The following PTPN3 variants were observed in gnomAD, a reference collection of about 807,000 sequenced individuals.
The protein encoded by PTPN3 is protein tyrosine phosphatase non-receptor type 3.
A neutral mutation model predicts 132.7 loss-of-function variants in PTPN3; 96 were observed. The observed-to-expected ratio is 0.72, with a 90% CI of 0.61 to 0.86. PTPN3 has a LOEUF of 0.86. Among genes scored for constraint, PTPN3 ranks in the 40% least tolerant of loss-of-function variants. The probability of loss-of-function intolerance (pLI) is 0.00; values close to 1 mark genes in which losing one functional copy is unlikely to be tolerated. For synonymous variants in PTPN3, 398 were observed against 429.0 expected (o/e 0.93, Z 0.89); for missense variants, 1,125 against 1,159.6 (o/e 0.97, Z 0.43).
intron 12 of PTPN3, among the ~76,000 whole-genome samples, chr9:109,423,994 G>T (rs1169363935): frequency 6.6e-6 from 1 of 152,140 alleles, no homozygotes; most frequent in Non-Finnish European, 1.5e-5. Flanking sequence ...TGATCAAAAT[G>T]CTCACAACAG....
At chr9:109,505,753 C>CTT in the PTPN3 span, among the ~76,000 whole-genome samples, 2 of 143,560 alleles carry the variant, frequency 1.4e-5, no homozygotes, top group African/African-American at 2.5e-5. Context: ...ACATCAACTT[C>CTT]TTTTTTTTTT....
In PTPN3 at chr9:109,376,418, C is replaced by G. The variant is rs1838565203; in HGVS notation, c.*3138G>C. ...CAGCAGCAATAGTATCCACACTAAT[C>G]TAAAAGCATATTTAAATATGAATTA... On this transcript the variant is annotated 3_prime_UTR_variant, in exon 26 of 26. Coordinates refer to ENST00000374541, the MANE Select transcript of PTPN3 (RefSeq NM_002829.4). 2 of 152,154 alleles carry G rather than the reference C, an allele frequency of 1.3e-5. No homozygotes were observed. The highest frequency in any genetic ancestry group is 1.3e-4 in the Admixed American group (2 of 15,266). 9.4% of individuals were successfully genotyped at this position (152,154 alleles called of 1,614,324 possible).
intron 7 of PTPN3, among the ~76,000 whole-genome samples, chr9:109,439,233 G>A (rs905094397): frequency 2.0e-5 from 3 of 152,068 alleles, no homozygotes; most frequent in East Asian, 3.9e-4. Flanking sequence ...GGGACCTGAG[G>A]ACATCCATTT....
chr9:109,433,917 A>T (rs80250855), intron 9 of PTPN3, among the ~76,000 whole-genome samples: 3,264 of 39,862 alleles, frequency 0.082, 164 homozygotes, highest in African/African-American at 0.15. Flanking sequence ...GACTCTGTTT[A>T]AAAAAAAAAA....
intron 14 of PTPN3, among the ~76,000 whole-genome samples, chr9:109,415,294 T>C (rs574098099): frequency 4.8e-4 from 73 of 152,266 alleles, no homozygotes; most frequent in South Asian, 2.5e-3. Context: ...GATGCTCAGA[T>C]GTCTAGGGTA....
At chr9:109,452,571 T>C (rs550008555) in intron 5 of PTPN3, among the ~76,000 whole-genome samples, 7 of 149,334 alleles carry the variant, frequency 4.7e-5, no homozygotes, top group Middle Eastern at 7.0e-3. Flanking sequence ...AACAGAGCCT[T>C]TTTTTTTTTT....
intron 19 of PTPN3, among the ~76,000 whole-genome samples, chr9:109,401,250 G>A (rs547647279): frequency 7.9e-5 from 12 of 152,178 alleles, no homozygotes; most frequent in East Asian, 1.9e-4. Flanking sequence ...CAGTGGTTCC[G>A]GTTGGGTCTT....
chr9:109,499,854 C>G (rs1847834718), upstream of PTPN3, among the ~76,000 whole-genome samples: 1 of 152,138 alleles, frequency 6.6e-6, no homozygotes, highest in Non-Finnish European at 1.5e-5. Flanking sequence ...CCGCGCCCCG[C>G]CCGGCCCGGC....
chr9:109,521,126 G>T, the PTPN3 span, among the ~76,000 whole-genome samples: 1 of 152,084 alleles, frequency 6.6e-6, no homozygotes, highest in African/African-American at 2.4e-5. Context: ...AGAAAGGTTG[G>T]GGTAAAGAGT....
At chr9:109,390,769 T>C (rs1022790442) in intron 21 of PTPN3, among the ~76,000 whole-genome samples, 5 of 152,306 alleles carry the variant, frequency 3.3e-5, no homozygotes, top group African/African-American at 1.2e-4. Context: ...TTCTCATTTT[T>C]TTTTTAAGGC....
At chr9:109,487,880 C>T (rs1389277519) in intron 1 of PTPN3, among the ~76,000 whole-genome samples, 1 of 152,124 alleles carries the variant, frequency 6.6e-6, no homozygotes. Context: ...ACATGGGTAC[C>T]AGTTCCTACT....
intron 12 of PTPN3, among the ~76,000 whole-genome samples, chr9:109,426,080 C>T (rs1843260129): frequency 6.7e-6 from 1 of 149,718 alleles, no homozygotes; most frequent in South Asian, 2.1e-4. Flanking sequence ...ACAATTTATG[C>T]TACCTCTTAT....
chr9:109,439,575 G>A (rs1050935509), intron 7 of PTPN3, among the ~76,000 whole-genome samples: 2 of 152,242 alleles, frequency 1.3e-5, no homozygotes, highest in Non-Finnish European at 2.9e-5. Flanking sequence ...GGAAGTGGGT[G>A]AGACAGGTAG....
intron 25 of PTPN3, 21 bp from the exon 26 acceptor site, chr9:109,379,654 G>A (rs761415035): frequency 6.3e-7 from 1 of 1,594,328 alleles, no homozygotes; most frequent in Admixed American, 1.7e-5. Context: ...AAAAAATGCT[G>A]TCAAGTCCTG....
Position 109,409,807 on chromosome 9 carries a change from T to TA in PTPN3, c.1578+191dup, listed in dbSNP as rs202029012. ...AGGTTTGGGCGATAAAGTGAGTTTT[T>TA]AAAAAAAAACAAAAAAAACCCCAAA... On this transcript the variant is annotated intron_variant, in intron 16 of 25. Transcript: ENST00000374541. Among the ~76,000 whole-genome samples the TA allele has an allele frequency of 6.8e-3, 1,018 of 149,824 alleles. 8 individuals are homozygous for TA. Among genetic ancestry groups the TA allele is most frequent in the Middle Eastern group, 0.024 (7 of 286 alleles).
At chr9:109,459,242 C>T (rs1049121717) in intron 2 of PTPN3, among the ~76,000 whole-genome samples, 2 of 152,276 alleles carry the variant, frequency 1.3e-5, no homozygotes, top group African/African-American at 4.8e-5. Context: ...CACCAGGTCA[C>T]CACCAGGGCT....
chr9:109,506,480 CTTCT>C, the PTPN3 span, among the ~76,000 whole-genome samples: 19,263 of 151,036 alleles, frequency 0.13, 1,466 homozygotes, highest in Middle Eastern at 0.25. Context: ...CCCTTCCTTC[CTTCT>C]TTCCTACCTA....
chr9:109,428,645 G>C lies in PTPN3; in HGVS notation c.804C>G (p.Phe268Leu). ...CCTGTTTCTGTCGCTGATGTATGAA[G>C]AACTTTTTCCTTTTGAAAGAAATTT... ...ILKISFKRKK[F>L]FIHQRQKQAE... The change falls in exon 11 of 26, where the codon TTC becomes TTG. Residue 268 changes from phenylalanine (F) to leucine (L), a missense_variant. Phe to Leu is a conservative substitution (Grantham distance 22). Transcript: ENST00000374541. The C allele has an allele frequency of 6.2e-7, 1 of 1,613,758 alleles. No individual in the cohort carries two copies. The highest frequency in any genetic ancestry group is 8.5e-7 in the Non-Finnish European group (1 of 1,179,808).
intron 1 of PTPN3, among the ~76,000 whole-genome samples, chr9:109,496,130 C>T (rs760313136): frequency 1.3e-5 from 2 of 152,222 alleles, no homozygotes. Flanking sequence ...GGCAAATCAC[C>T]AGAGAAAACG....
Sources: allele counts gnomAD v4.1 joint callset (sites outside exome capture counted in the v4.1 genomes callset), GRCh38; gene constraint gnomAD v4.1.1; transcripts MANE v1.5; gene names NCBI Gene and HGNC (gene_info 2026-07-23, HGNC 2026-07-21).